GRID2IP: variants seen among roughly 807,000 people sequenced by gnomAD.
GRID2IP encodes the protein delphilin.
A neutral mutation model predicts 114.3 loss-of-function variants in GRID2IP; 78 were observed. That is an observed-to-expected ratio of 0.68 (90% CI 0.57 to 0.82). GRID2IP has a LOEUF of 0.82. GRID2IP is among the 40% of genes least tolerant of loss of function. GRID2IP has a pLI of 0.00. For missense variants in GRID2IP, 1,727 were observed against 1,678.5 expected (o/e 1.03, Z -0.51); for synonymous variants, 809 against 724.0 (o/e 1.12, Z -1.89).
intron 1 of GRID2IP, among the ~76,000 whole-genome samples, chr7:6,547,049 G>C (rs1164987887): frequency 6.6e-6 from 1 of 152,168 alleles, no homozygotes; most frequent in African/African-American, 2.4e-5. Context: ...ATTGAGGACA[G>C]GTGCTGTTCT....
In GRID2IP at chr7:6,504,851, C is replaced by G; in HGVS notation, c.2652G>C (p.Glu884Asp). 6.4e-7 allele frequency: 1 copy of G among 1,551,382 alleles called. No homozygotes were observed. The highest frequency in any genetic ancestry group is 8.7e-7 in the Non-Finnish European group (1 of 1,146,824). Residue 884 changes from glutamate (E) to aspartate (D), a missense_variant, in exon 15 of 22, where the codon GAG becomes GAC. Transcript: ENST00000457091. ...CCACCACCTCCTTCTTCCGGAAGGG[C>G]TCCGGCCCCGGCACCGGTTCTGGAA... The part of the protein sequence containing the change: ...QKPAKPVPGP[E>D]PFRKKEVVEI...
At position 6,503,243 on chromosome 7, in the gene GRID2IP, G is replaced by T. The variant is rs529390220; in HGVS notation, c.2908-80C>A. On this transcript the variant is annotated intron_variant, in intron 16 of 21. Coordinates refer to ENST00000457091, the MANE Select transcript of GRID2IP (RefSeq NM_001145118.2). ...CCACCGCAGGCTTTGGGGTGGGAGG[G>T]GGGGATCTGCTGGCTGCTTCGGCCC... is the stretch of plus-strand genomic sequence containing the variant. 60 of 1,124,882 alleles carry T rather than the reference G, an allele frequency of 5.3e-5. 2 individuals carry two copies. In the South Asian group the frequency reaches 8.8e-4, roughly 17 times the overall value. 69.7% of individuals were successfully genotyped at this position (1,124,882 alleles called of 1,614,324 possible). A position where few individuals can be genotyped will look rare whatever the true frequency, so the allele number is the denominator to read the frequency against.
intron 2 of GRID2IP, among the ~76,000 whole-genome samples, chr7:6,531,397 C>T (rs1485823660): frequency 6.6e-6 from 1 of 152,218 alleles, no homozygotes; most frequent in Non-Finnish European, 1.5e-5. Context: ...TTATTCCCTT[C>T]CCAGGATCCT....
intron 1 of GRID2IP, among the ~76,000 whole-genome samples, chr7:6,540,602 C>A (rs1218420221): frequency 3.3e-5 from 5 of 151,226 alleles, no homozygotes; most frequent in African/African-American, 1.2e-4. Context: ...TTCACTGCAA[C>A]CTCCGCCTCC....
chr7:6,505,777 G>A (rs1390047708), intron 14 of GRID2IP, 43 bp downstream of exon 14: 2 of 1,270,150 alleles, frequency 1.6e-6, no homozygotes, highest in African/African-American at 1.5e-5. Context: ...TGCCACAGAT[G>A]GTGTGGTATC....
chr7:6,509,260 G>A lies in GRID2IP; in HGVS notation c.1825C>T (p.Pro609Ser), dbSNP rs1033897398. 51 of 1,528,154 alleles carry A rather than the reference G, an allele frequency of 3.3e-5. No homozygotes were observed. The highest frequency in any genetic ancestry group is 4.2e-5 in the Non-Finnish European group (48 of 1,135,488). The allele number at this position is 1,528,154 out of a possible 1,614,324, so 94.7% of individuals were successfully genotyped here. A position where few individuals can be genotyped will look rare whatever the true frequency, so the allele number is the denominator to read the frequency against. ...SWPSERLLPSPCYHPLCSGGL... is the reference protein window; with the variant it reads ...SWPSERLLPSSCYHPLCSGGL... ...CCCGAACACAGCGGGTGGTAGCAGG[G>A]GGAGGGCAAGAGTCGCTCGCTGGGC... Residue 609 changes from proline to serine, a missense_variant, in exon 12 of 22, where the codon CCC (proline) becomes TCC (serine). Coordinates refer to ENST00000457091, the MANE Select transcript of GRID2IP (RefSeq NM_001145118.2). The surrounding 1 kb of genome is among the most constrained non-coding windows in gnomAD (Gnocchi z 4.9).
Position 6,525,255 on chromosome 7 carries a change from T to C in GRID2IP, c.919+969A>G, listed in dbSNP as rs990975637. ...CTGGGAGGCAGAGGCTGCAGTGGGC[T>C]GAGATCATGCCATTGCACTCCAGCC... is the stretch of plus-strand genomic sequence containing the variant. On this transcript the variant is annotated intron_variant, in intron 4 of 21. Transcript: ENST00000457091. Among the ~76,000 whole-genome samples, 13 of 152,056 alleles carry C rather than the reference T, an allele frequency of 8.5e-5. No individual in the cohort carries two copies. The South Asian group carries it at 1.5e-3, about 17-fold the overall frequency.
rs914009271 is a variant in GRID2IP at position 6,504,700 on chromosome 7, C to T, written c.2710+93G>A. On this transcript the variant is annotated intron_variant, in intron 15 of 21. Transcript: ENST00000457091. ...GCGACAGGAGGCCGGGTCCCCACCGCCTAATCTCTGTCATCCACCTGGGCA... is the reference window on the plus strand; with the variant it reads ...GCGACAGGAGGCCGGGTCCCCACCGTCTAATCTCTGTCATCCACCTGGGCA... 4 of 983,444 alleles carry T rather than the reference C, an allele frequency of 4.1e-6. No homozygotes were observed. In the African/African-American group the frequency reaches 6.5e-5, roughly 16 times the overall value. 60.9% of individuals were successfully genotyped at this position (983,444 alleles called of 1,614,324 possible). A position where few individuals can be genotyped will look rare whatever the true frequency, so the allele number is the denominator to read the frequency against.
rs565370571 is a variant in GRID2IP at position 6,544,250 on chromosome 7, C to T, written c.430-4378G>A. ...CACATCATAGGCCCATGATCAATGA[C>T]TGGTAAATGCATGGTTTTCTTTTTC... is the stretch of plus-strand genomic sequence containing the variant. On this transcript the variant is annotated intron_variant, in intron 1 of 21. Transcript: ENST00000457091. 2.0e-5 allele frequency among the ~76,000 whole-genome samples: 3 copies of T among 151,944 alleles called. No homozygotes were observed. In the East Asian group the frequency reaches 5.8e-4, roughly 29 times the overall value.
At chr7:6,501,228 G>A (rs915644808) in intron 20 of GRID2IP, among the ~76,000 whole-genome samples, 3 of 152,292 alleles carry the variant, frequency 2.0e-5, no homozygotes, top group East Asian at 1.9e-4. Context: ...GTGGGTGCCT[G>A]TAATCCCAGC....
chr7:6,534,214 C>T lies in GRID2IP; in HGVS notation c.584+5504G>A, dbSNP rs1779685673. On this transcript the variant is annotated intron_variant, in intron 2 of 21. Coordinates refer to ENST00000457091, the MANE Select transcript of GRID2IP (RefSeq NM_001145118.2). This position sits in a 1 kb window ranked among gnomAD's most constrained non-coding sequence, Gnocchi z 4.5. The stretch of plus-strand genomic sequence containing the variant: ...CCAGTGAGTGGACCTGTATTCAAGC[C>T]GGGTCTGTCCGGATTCCGAATCCCA... Among the ~76,000 whole-genome samples, 1 of 152,106 alleles carries T rather than the reference C, an allele frequency of 6.6e-6. No homozygotes were observed. The highest frequency in any genetic ancestry group is 2.4e-5 in the African/African-American group (1 of 41,400).
chr7:6,515,148 G>C (rs996040116), intron 7 of GRID2IP, among the ~76,000 whole-genome samples: 1 of 151,792 alleles, frequency 6.6e-6, no homozygotes, highest in East Asian at 1.9e-4. Context: ...CTACCTCATA[G>C]AGCTGTTGTG....
intron 8 of GRID2IP, 151 bp downstream of exon 8, chr7:6,514,224 G>C: frequency 1.3e-6 from 1 of 750,510 alleles, no homozygotes; most frequent in Non-Finnish European, 2.0e-6. Context: ...TTGCACTCCA[G>C]CCTGGGGCAC....
Position 6,498,223 on chromosome 7 carries a change from G to A in GRID2IP, c.3405C>T (p.Phe1135=). 6.5e-7 allele frequency: 1 copy of A among 1,543,012 alleles called. No individual in the cohort carries two copies. Among genetic ancestry groups the A allele is most frequent in the Non-Finnish European group, 8.7e-7 (1 of 1,143,916 alleles). The change falls in exon 21 of 22, where the codon TTC becomes TTT. Residue 1135 remains phenylalanine, a synonymous_variant. Transcript: ENST00000457091. ...EDKFAMVMSS[F]LETAQPALRA... is the part of the protein sequence containing the mutation. Reference sequence around the variant, plus strand: ...GAAGTGCTGGCTGGGCCGTCTCCAGGAAGGACTGACAGGCCTCAGTTAAGG... The same window carrying A: ...GAAGTGCTGGCTGGGCCGTCTCCAGAAAGGACTGACAGGCCTCAGTTAAGG...
At position 6,528,330 on chromosome 7, in the gene GRID2IP, C is replaced by T. The variant is rs1779555849; in HGVS notation, c.585-1561G>A. 6.6e-6 allele frequency among the ~76,000 whole-genome samples: 1 copy of T among 152,188 alleles called. No homozygotes were observed. The highest frequency in any genetic ancestry group is 1.5e-5 in the Non-Finnish European group (1 of 68,038). ...TAACCCCATCTCTGAGTAATGGCAGCAGTTAACATCCTGATGGACTCTCCG... is the reference window on the plus strand; with the variant it reads ...TAACCCCATCTCTGAGTAATGGCAGTAGTTAACATCCTGATGGACTCTCCG... On this transcript the variant is annotated intron_variant, in intron 2 of 21. Coordinates refer to ENST00000457091, the MANE Select transcript of GRID2IP (RefSeq NM_001145118.2). The surrounding 1 kb of genome is among the most constrained non-coding windows in gnomAD (Gnocchi z 6.0).
rs1583350822 is a variant in GRID2IP, at chr7:6,534,781, C to T, written c.584+4937G>A. Among the ~76,000 whole-genome samples the T allele has an allele frequency of 6.6e-6, 1 of 152,054 alleles. No homozygotes were observed. The highest frequency in any genetic ancestry group is 2.1e-4 in the South Asian group (1 of 4,816). On this transcript the variant is annotated intron_variant, in intron 2 of 21. Transcript: ENST00000457091. This position sits in a 1 kb window ranked among gnomAD's most constrained non-coding sequence, Gnocchi z 4.5. ...GGAGGCTGGAGTGCAGTGGCTTGTTCTCACCTCACTGCAACCTCCACCTCC... is the reference window on the plus strand; with the variant it reads ...GGAGGCTGGAGTGCAGTGGCTTGTTTTCACCTCACTGCAACCTCCACCTCC...
chr7:6,548,285 G>A (rs940624668), intron 1 of GRID2IP, among the ~76,000 whole-genome samples: 11 of 151,760 alleles, frequency 7.2e-5, no homozygotes, highest in Non-Finnish European at 1.2e-4. Context: ...CCCGGGAGGC[G>A]GAGGTTGCAG....
chr7:6,537,625 G>T (rs1452844879), intron 2 of GRID2IP, among the ~76,000 whole-genome samples: 1 of 151,400 alleles, frequency 6.6e-6, no homozygotes, highest in African/African-American at 2.4e-5. Flanking sequence ...TGATCTGCCC[G>T]CCTCGGCCTC....
intron 2 of GRID2IP, among the ~76,000 whole-genome samples, chr7:6,538,049 T>G (rs1779755755): frequency 6.6e-6 from 1 of 152,114 alleles, no homozygotes; most frequent in Non-Finnish European, 1.5e-5. Context: ...TAGTGTCTGC[T>G]GAGGTCCTTG....
Sources: gnomAD v4.1 joint callset for allele counts (sites outside exome capture counted in the v4.1 genomes callset) on GRCh38, gnomAD v4.1.1 for gene constraint, Gnocchi (gnomAD v3.1) non-coding constraint, MANE v1.5 for transcripts, NCBI Gene and HGNC (gene_info 2026-07-23, HGNC 2026-07-21) for gene names.